The following PHLDB3 variants were observed in gnomAD, a reference collection of about 807,000 sequenced individuals.
PHLDB3 encodes the protein pleckstrin homology like domain family B member 3.
In PHLDB3, 86 loss-of-function variants were observed where a neutral mutation model predicts 85.7. That is an observed-to-expected ratio of 1.00 (90% CI 0.84 to 1.20). The LOEUF is 1.20. PHLDB3 is among the 50% of genes most tolerant of loss of function. PHLDB3 has a pLI of 0.00. For missense variants in PHLDB3, 995 were observed against 873.0 expected (o/e 1.14, Z -1.76); for synonymous variants, 376 against 349.8 (o/e 1.07, Z -0.83).
chr19:43,494,664 T>G, intron 9 of PHLDB3, 38 bp downstream of exon 9: 1 of 1,499,756 alleles, frequency 6.7e-7, no homozygotes, highest in South Asian at 1.2e-5. Flanking sequence ...CACTGACCAA[T>G]AAGATATATG....
At chr19:43,501,893 TG>T in intron 3 of PHLDB3, 22 bp from the exon 4 acceptor site, 1 of 1,571,324 alleles carries the variant, frequency 6.4e-7, no homozygotes, top group Non-Finnish European at 8.6e-7. Flanking sequence ...ATGCCAGGGC[TG>T]GGGGCTCGGA....
chr19:43,496,873 G>GAA (rs35557273), intron 6 of PHLDB3: 37,864 of 445,064 alleles, frequency 0.085, 844 homozygotes, highest in East Asian at 0.26. Flanking sequence ...TTTATAACGT[G>GAA]AAAAAAAAAA....
chr19:43,495,240 T>C lies in PHLDB3; in HGVS notation c.1035+16A>G, dbSNP rs746957801. On this transcript the variant is annotated intron_variant, in intron 8 of 15. Transcript: ENST00000292140. Reference sequence around the variant, plus strand: ...CTGAGGGAGGAGGGACTGAGAGGCATACAAAATCCCCATACCTTAGTGAGG... The same window carrying C: ...CTGAGGGAGGAGGGACTGAGAGGCACACAAAATCCCCATACCTTAGTGAGG... 12 of 1,611,166 alleles carry C rather than the reference T, an allele frequency of 7.4e-6. No individual in the cohort carries two copies. The highest frequency in any genetic ancestry group is 1.6e-4 in the Middle Eastern group (1 of 6,080).
intron 13 of PHLDB3, among the ~76,000 whole-genome samples, chr19:43,483,527 C>A (rs1971091335): frequency 6.6e-6 from 1 of 152,144 alleles, no homozygotes; most frequent in Non-Finnish European, 1.5e-5. Context: ...GATCCTCCCA[C>A]CTCGGCCTCT....
At chr19:43,487,259 C>A in intron 9 of PHLDB3, 136 bp from the exon 10 acceptor site, 1 of 711,072 alleles carries the variant, frequency 1.4e-6, no homozygotes, top group South Asian at 1.7e-5. Flanking sequence ...GAAAGGACCT[C>A]ACAGGGGTAT....
intron 9 of PHLDB3, among the ~76,000 whole-genome samples, chr19:43,488,383 G>A (rs35729287): frequency 6.6e-6 from 1 of 151,710 alleles, no homozygotes; most frequent in Non-Finnish European, 1.5e-5. Context: ...CTTGAACCCC[G>A]GAGGTCAAGG....
At chr19:43,481,842 C>G (rs555742891) in intron 13 of PHLDB3, among the ~76,000 whole-genome samples, 5 of 149,876 alleles carry the variant, frequency 3.3e-5, no homozygotes, top group African/African-American at 1.2e-4. Flanking sequence ...AAGGCCAGAG[C>G]AAGAAGGGAT....
chr19:43,497,221 A>G lies in PHLDB3; in HGVS notation c.722T>C (p.Leu241Pro). ...CTCCTCCTGCCGGCTCTCCCGCTCC[A>G]GTTGCTGGAACTCCAGGTCCTCATA... is the stretch of plus-strand genomic sequence containing the variant. ...RAYEDLEFQQ[L>P]ERESRQEEED... The change falls in exon 6 of 16, where the codon CTG becomes CCG. Residue 241 changes from leucine to proline, a missense_variant. Coordinates refer to ENST00000292140, the MANE Select transcript of PHLDB3 (RefSeq NM_198850.4). 6.5e-7 allele frequency: 1 copy of G among 1,539,592 alleles called. No individual in the cohort carries two copies. Among genetic ancestry groups the G allele is most frequent in the South Asian group, 1.2e-5 (1 of 80,598 alleles).
At chr19:43,502,325 C>T in intron 2 of PHLDB3, 42 bp from the exon 3 acceptor site, 1 of 1,516,270 alleles carries the variant, frequency 6.6e-7, no homozygotes, top group Non-Finnish European at 8.8e-7. Context: ...ATGCCTCGCC[C>T]CCTGCAATCA....
chr19:43,480,264 TAA>T (rs57417757), intron 13 of PHLDB3, among the ~76,000 whole-genome samples: 16,057 of 70,672 alleles, frequency 0.23, 1,594 homozygotes, highest in African/African-American at 0.28. Flanking sequence ...CTTCTCTATT[TAA>T]AAAAAAAAAA....
chr19:43,497,964 C>T (rs1233174398), intron 4 of PHLDB3, 88 bp from the exon 5 acceptor site: 15 of 1,499,832 alleles, frequency 1.0e-5, no homozygotes, highest in Admixed American at 2.2e-5. Context: ...CCTGGGGTGT[C>T]GGCTGTACAA....
intron 9 of PHLDB3, among the ~76,000 whole-genome samples, chr19:43,493,055 G>C (rs1971357101): frequency 6.6e-6 from 1 of 152,090 alleles, no homozygotes; most frequent in Non-Finnish European, 1.5e-5. Flanking sequence ...AAGGTGGGCA[G>C]ATCACCTGAG....
intron 13 of PHLDB3, 69 bp downstream of exon 13, chr19:43,486,197 G>T (rs1971150803): frequency 4.0e-6 from 6 of 1,500,764 alleles, no homozygotes; most frequent in Non-Finnish European, 5.3e-6. Context: ...TCAGATGTAA[G>T]AAAGGGCATA....
chr19:43,482,530 C>T (rs1371939145), intron 13 of PHLDB3, among the ~76,000 whole-genome samples: 1 of 151,944 alleles, frequency 6.6e-6, no homozygotes, highest in East Asian at 1.9e-4. Flanking sequence ...AGGAGCAATT[C>T]TGTTTGTTTG....
chr19:43,481,026 A>G (rs1971034596), intron 13 of PHLDB3, among the ~76,000 whole-genome samples: 1 of 152,202 alleles, frequency 6.6e-6, no homozygotes, highest in African/African-American at 2.4e-5. Context: ...ATGCAAGCAG[A>G]TCCGCTGGGG....
At chr19:43,479,085 T>G (rs1025806614) in intron 14 of PHLDB3, among the ~76,000 whole-genome samples, 4 of 152,028 alleles carry the variant, frequency 2.6e-5, no homozygotes, top group African/African-American at 9.7e-5. Flanking sequence ...ACATGGGCCC[T>G]GGGAAGCTTG....
At chr19:43,479,313 G>A (rs1289229769) in intron 14 of PHLDB3, 64 bp downstream of exon 14, 4 of 1,492,698 alleles carry the variant, frequency 2.7e-6, no homozygotes, top group Non-Finnish European at 3.6e-6. Context: ...GGTGCCTGTA[G>A]AGGAAAGGCC....
At chr19:43,488,251 T>C (rs549035730) in intron 9 of PHLDB3, among the ~76,000 whole-genome samples, 1 of 149,842 alleles carries the variant, frequency 6.7e-6, no homozygotes, top group East Asian at 2.0e-4. Context: ...AGCCCAGGAG[T>C]TGGAGATGAG....
intron 13 of PHLDB3, among the ~76,000 whole-genome samples, chr19:43,481,618 CA>C (rs541504702): frequency 2.7e-5 from 4 of 146,008 alleles, no homozygotes; most frequent in Admixed American, 6.8e-5. Flanking sequence ...AACTCCATCT[CA>C]AAAAAAAAAT....
Sources: allele counts gnomAD v4.1 joint callset (sites outside exome capture counted in the v4.1 genomes callset), GRCh38; gene constraint gnomAD v4.1.1; transcripts MANE v1.5; gene names NCBI Gene and HGNC (gene_info 2026-07-23, HGNC 2026-07-21).